The following RUNX1T1 variants were observed in gnomAD, a reference collection of about 807,000 sequenced individuals.
RUNX1T1 encodes RUNX1 partner transcriptional co-repressor 1, also known as protein CBFA2T1.
In RUNX1T1, 4 loss-of-function variants were observed where a neutral mutation model predicts 62.8. That is an observed-to-expected ratio of 0.06 (90% CI 0.03 to 0.15). The LOEUF (loss-of-function observed/expected upper bound fraction) is 0.15, where lower values mean the gene tolerates loss of function less well. Ranked by LOEUF, RUNX1T1 falls within the 10% of genes least tolerant of loss-of-function variation. The pLI is 1.00. For missense variants in RUNX1T1, 508 were observed against 754.3 expected (o/e 0.67, Z 3.82); for synonymous variants, 291 against 286.0 (o/e 1.02, Z -0.18).
At chr8:91,975,781 T>C (rs1453640188) in intron 9 of RUNX1T1, 124 bp downstream of exon 10, 6 of 648,594 alleles carry the variant, frequency 9.3e-6, no homozygotes, top group Non-Finnish European at 1.7e-5. Context: ...TTTTTTGTTT[T>C]GTTTTGTTTT....
intron 6 of RUNX1T1, among the ~76,000 whole-genome samples, chr8:91,987,601 G>C (rs1424251312): frequency 6.6e-6 from 1 of 152,040 alleles, no homozygotes; most frequent in Non-Finnish European, 1.5e-5. Flanking sequence ...TAATATACCA[G>C]ATATAATTTG....
intron 5 of RUNX1T1, among the ~76,000 whole-genome samples, chr8:92,004,069 T>G (rs1013182366): frequency 6.6e-6 from 1 of 152,246 alleles, no homozygotes; most frequent in African/African-American, 2.4e-5. Flanking sequence ...CATTCTGATT[T>G]GCAAAGCAGC....
At chr8:92,078,473 AG>A (rs1403370636) in intron 1 of RUNX1T1, among the ~76,000 whole-genome samples, 1 of 152,126 alleles carries the variant, frequency 6.6e-6, no homozygotes, top group Non-Finnish European at 1.5e-5. Flanking sequence ...CCTCATTACG[AG>A]GGGAACATAC....
chr8:91,986,857 T>G (rs375539192), intron 7 of RUNX1T1, 30 bp downstream of exon 8: 1 of 1,445,524 alleles, frequency 6.9e-7, no homozygotes, highest in African/African-American at 1.4e-5. Context: ...CCAAACATTT[T>G]TTAATCCCAA....
chr8:92,099,520 C>A, intron 1 of RUNX1T1: 1 of 584,642 alleles, frequency 1.7e-6, no homozygotes, highest in Non-Finnish European at 2.2e-6. Context: ...AACAAAGAAC[C>A]TTTAAATGCC....
exon 8 of RUNX1T1, chr8:91,986,311 T>C (rs1224173133): frequency 6.2e-7 from 1 of 1,613,156 alleles, no homozygotes; most frequent in African/African-American, 1.3e-5. Flanking sequence ...CCATGTCCAT[T>C]ATGCAGTTTA....
chr8:92,004,472 T>C (rs953926508), intron 5 of RUNX1T1: 6 of 152,234 alleles, frequency 3.9e-5, no homozygotes, highest in Admixed American at 3.3e-4. Flanking sequence ...TAGGGTTTAA[T>C]GGAGAAGTGG....
At chr8:91,962,391 A>T (rs1032284291) in intron 10 of RUNX1T1, among the ~76,000 whole-genome samples, 2 of 152,266 alleles carry the variant, frequency 1.3e-5, no homozygotes, top group Admixed American at 6.5e-5. Context: ...GGAAATCTAG[A>T]AACTTGGTTG....
At chr8:92,058,008 A>AG (rs1275120013) in intron 1 of RUNX1T1, among the ~76,000 whole-genome samples, 1 of 152,196 alleles carries the variant, frequency 6.6e-6, no homozygotes, top group Non-Finnish European at 1.5e-5. Flanking sequence ...AGAAGGAGCC[A>AG]GGCAAGGCAT....
rs974221950 is a variant in RUNX1T1 at position 91,976,218 on chromosome 8, G to T, written c.1199-245C>A. ...TGCATGCTCAAAGCCAAAGCAACTT[G>T]ATTTCATTATACAATATGATGTTTG... is the stretch of plus-strand genomic sequence containing the variant. On this transcript the variant is annotated intron_variant, in intron 8 of 10. Coordinates refer to ENST00000396218, the Ensembl canonical transcript of RUNX1T1. 3.3e-5 allele frequency among the ~76,000 whole-genome samples: 5 copies of T among 152,200 alleles called. No homozygotes were observed. In the South Asian group the frequency reaches 8.3e-4, roughly 25 times the overall value.
chr8:92,027,934 A>AT (rs2131281854), intron 1 of RUNX1T1, among the ~76,000 whole-genome samples: 1 of 151,858 alleles, frequency 6.6e-6, no homozygotes, highest in Admixed American at 6.6e-5. Flanking sequence ...CATTTATCTT[A>AT]TTTTTGAATG....
At position 91,970,043 on chromosome 8, in the gene RUNX1T1, T is replaced by TGTGTTGTGTGTG. The variant is rs11374252; in HGVS notation, c.1458+614_1458+615insCACACACAACAC. Among the ~76,000 whole-genome samples, 677 of 142,246 alleles carry TGTGTTGTGTGTG rather than the reference T, an allele frequency of 4.8e-3. 3 individuals are homozygous for TGTGTTGTGTGTG. Among genetic ancestry groups the TGTGTTGTGTGTG allele is most frequent in the Admixed American group, 0.01 (149 of 14,220 alleles). 93.3% of individuals were successfully genotyped at this position (142,246 alleles called of 152,430 possible). ...CTGTGTGTGTGTGTGTGTGTGTGTG[T>TGTGTTGTGTGTG]TGTGTGTGTGTGTGTGAGAATTATT... On this transcript the variant is annotated intron_variant, in intron 10 of 10. Coordinates refer to ENST00000396218, the Ensembl canonical transcript of RUNX1T1.
At chr8:92,039,726 T>C (rs1391112926) in intron 1 of RUNX1T1, among the ~76,000 whole-genome samples, 1 of 152,212 alleles carries the variant, frequency 6.6e-6, no homozygotes, top group African/African-American at 2.4e-5. Context: ...TTCTGGTTGA[T>C]GGCAACCAAT....
At chr8:92,097,054 G>A (rs1245663293) in intron 1 of RUNX1T1, among the ~76,000 whole-genome samples, 1 of 152,028 alleles carries the variant, frequency 6.6e-6, no homozygotes, top group Non-Finnish European at 1.5e-5. Flanking sequence ...GTAACACAAA[G>A]TGAAAAAAGC....
At chr8:91,977,249 A>G (rs1469608234) in intron 8 of RUNX1T1, 3 of 195,224 alleles carry the variant, frequency 1.5e-5, no homozygotes, top group South Asian at 1.9e-4. Context: ...TATGGAAACT[A>G]TATCATCTTT....
chr8:91,995,919 G>A (rs569455818), intron 5 of RUNX1T1, among the ~76,000 whole-genome samples: 5 of 152,332 alleles, frequency 3.3e-5, no homozygotes, highest in East Asian at 3.9e-4. Context: ...AAGCATGTAT[G>A]TTCAGAAGGG....
chr8:92,065,173 T>C (rs1832691139), upstream of RUNX1T1, among the ~76,000 whole-genome samples: 2 of 152,020 alleles, frequency 1.3e-5, no homozygotes, highest in Admixed American at 1.3e-4. Flanking sequence ...TTTTCGTTCA[T>C]AAAAATAAAT....
rs904609995 is a variant in RUNX1T1 at position 92,062,770 on chromosome 8, G to A, written c.-218C>T. ...GGATTGCACTTGGAGCAGAAATGTGGAGGATGACAGGAGCACATGTGGCCT... is the reference window on the plus strand; with the variant it reads ...GGATTGCACTTGGAGCAGAAATGTGAAGGATGACAGGAGCACATGTGGCCT... On this transcript the variant is annotated 5_prime_UTR_variant, in exon 1 of 11. Coordinates refer to ENST00000396218, the Ensembl canonical transcript of RUNX1T1. 7.2e-6 allele frequency: 11 copies of A among 1,517,952 alleles called. No individual in the cohort carries two copies. In the Admixed American group the frequency reaches 2.2e-4, roughly 31 times the overall value. The allele number at this position is 1,517,952 out of a possible 1,614,324, so 94.0% of individuals were successfully genotyped here.
At chr8:91,994,907 A>G (rs1420256759) in intron 5 of RUNX1T1, among the ~76,000 whole-genome samples, 2 of 152,232 alleles carry the variant, frequency 1.3e-5, no homozygotes, top group Non-Finnish European at 2.9e-5. Context: ...CAAGTATTCT[A>G]TATTTACAAC....
Sources: gnomAD v4.1 joint callset for allele counts (sites outside exome capture counted in the v4.1 genomes callset) on GRCh38, gnomAD v4.1.1 for gene constraint, MANE v1.5 for transcripts, NCBI Gene and HGNC (gene_info 2026-07-23, HGNC 2026-07-21) for gene names.